THSD7A: variants seen among roughly 807,000 people sequenced by gnomAD.
THSD7A encodes thrombospondin type-1 domain-containing protein 7A.
A neutral mutation model predicts 231.3 loss-of-function variants in THSD7A; 96 were observed. That is an observed-to-expected ratio of 0.41 (90% CI 0.35 to 0.49). THSD7A has a LOEUF of 0.49. Ranked by LOEUF, THSD7A falls within the 20% of genes least tolerant of loss-of-function variation. The pLI is 0.05. For missense variants in THSD7A, 2,290 were observed against 2,070.2 expected (o/e 1.11, Z -2.06); for synonymous variants, 940 against 743.3 (o/e 1.26, Z -4.30).
At chr7:11,424,605 A>G in intron 16 of THSD7A, 91 bp downstream of exon 16, 1 of 1,536,486 alleles carries the variant, frequency 6.5e-7, no homozygotes, top group South Asian at 1.2e-5. Context: ...TATCCAGAAG[A>G]CTGGGGAGGA....
rs182889564 is a variant in THSD7A at position 11,636,763 on chromosome 7, T to C, written c.389A>G (p.Asn130Ser). ...TTTTGAAATCACGGGCTGACACTGA[T>C]TCCAAGGTCCCAGTCTCCAGTCGTA... ...ELYDWRLGPW[N>S]QCQPVISKSL... Residue 130 changes from asparagine to serine, a missense_variant, in exon 2 of 28, where the codon AAT becomes AGT. Coordinates refer to ENST00000423059, the MANE Select transcript of THSD7A (RefSeq NM_015204.3). This position sits in a 1 kb window ranked among gnomAD's most constrained non-coding sequence, Gnocchi z 10.0. The C allele has an allele frequency of 5.6e-5, 91 of 1,614,008 alleles. No homozygotes were observed. In the African/African-American group the frequency reaches 1.0e-3, roughly 18 times the overall value.
chr7:11,511,518 A>C (rs1021157924), intron 6 of THSD7A, among the ~76,000 whole-genome samples: 41 of 152,246 alleles, frequency 2.7e-4, no homozygotes, highest in African/African-American at 9.9e-4. Context: ...GCATCACGCT[A>C]CCTGACTTCA....
intron 1 of THSD7A, among the ~76,000 whole-genome samples, chr7:11,644,823 C>T (rs1480799918): frequency 1.3e-5 from 2 of 151,916 alleles, no homozygotes; most frequent in African/African-American, 2.4e-5. Flanking sequence ...GATATCCTCT[C>T]ATAACACTAC....
At position 11,379,408 on chromosome 7, in the gene THSD7A, T is replaced by C. The variant is rs1466339330; in HGVS notation, c.4591-128A>G. ...ATTACTATACATAATTCCTCTATTA[T>C]TTTTAACTACAAAGAAACATACTTT... On this transcript the variant is annotated intron_variant, in intron 25 of 27. Coordinates refer to ENST00000423059, the MANE Select transcript of THSD7A (RefSeq NM_015204.3). The C allele has an allele frequency of 3.1e-6, 3 of 954,742 alleles. No homozygotes were observed. The African/African-American group carries it at 5.0e-5, about 16-fold the overall frequency. 59.1% of individuals were successfully genotyped at this position (954,742 alleles called of 1,614,324 possible). A position where few individuals can be genotyped will look rare whatever the true frequency, so the allele number is the denominator to read the frequency against.
intron 4 of THSD7A, among the ~76,000 whole-genome samples, chr7:11,574,335 G>T (rs1790784868): frequency 6.6e-6 from 1 of 151,830 alleles, no homozygotes. Flanking sequence ...TCTATTTTCA[G>T]CATTTAGAAT....
chr7:11,756,172 T>C (rs946515986), intron 1 of THSD7A, among the ~76,000 whole-genome samples: 1 of 152,128 alleles, frequency 6.6e-6, no homozygotes, highest in African/African-American at 2.4e-5. Context: ...CTTCCACATC[T>C]ATTATGTTAC....
At chr7:11,493,795 T>C (rs545873419) in intron 6 of THSD7A, among the ~76,000 whole-genome samples, 7 of 152,062 alleles carry the variant, frequency 4.6e-5, no homozygotes, top group Non-Finnish European at 8.8e-5. Flanking sequence ...TCTTTTTTGT[T>C]TCATGGTCAT....
chr7:11,470,523 TAC>T (rs1785895026), intron 8 of THSD7A, among the ~76,000 whole-genome samples: 1 of 151,808 alleles, frequency 6.6e-6, no homozygotes, highest in Non-Finnish European at 1.5e-5. Context: ...TATTAAAAAC[TAC>T]ATATTTAATA....
At chr7:11,770,994 AG>A (rs1783208677) in intron 1 of THSD7A, among the ~76,000 whole-genome samples, 3 of 151,410 alleles carry the variant, frequency 2.0e-5, no homozygotes, top group Non-Finnish European at 4.4e-5. Flanking sequence ...TTTGATACAT[AG>A]AAGACTAGAA....
chr7:11,423,620 C>T (rs1224197026), intron 16 of THSD7A, among the ~76,000 whole-genome samples: 2 of 152,040 alleles, frequency 1.3e-5, no homozygotes, highest in Non-Finnish European at 2.9e-5. Flanking sequence ...CCACCCGCCT[C>T]GGCCTCCCAA....
At chr7:11,767,972 G>A (rs929748771) in intron 1 of THSD7A, among the ~76,000 whole-genome samples, 2 of 152,012 alleles carry the variant, frequency 1.3e-5, no homozygotes, top group Non-Finnish European at 2.9e-5. Flanking sequence ...AGCTGAAAAG[G>A]GATCAAAATA....
intron 11 of THSD7A, among the ~76,000 whole-genome samples, chr7:11,450,598 G>A (rs1785112106): frequency 6.6e-6 from 1 of 152,004 alleles, no homozygotes. Flanking sequence ...TGTTTGGAAA[G>A]GAAACCATCT....
chr7:11,774,111 T>A (rs1783324796), intron 1 of THSD7A, among the ~76,000 whole-genome samples: 2 of 152,070 alleles, frequency 1.3e-5, no homozygotes, highest in Admixed American at 1.3e-4. Context: ...TAAATTAGAG[T>A]GATAACTTTG....
intron 23 of THSD7A, among the ~76,000 whole-genome samples, chr7:11,394,960 T>A (rs1046929953): frequency 6.6e-6 from 1 of 152,130 alleles, no homozygotes; most frequent in Admixed American, 6.5e-5. Flanking sequence ...CAAATTCACA[T>A]ATAACAATAT....
chr7:11,524,506 T>A (rs1331606049), intron 6 of THSD7A, among the ~76,000 whole-genome samples: 1 of 152,190 alleles, frequency 6.6e-6, no homozygotes, highest in African/African-American at 2.4e-5. Flanking sequence ...TCCCTTCGGA[T>A]GAATAATATT....
chr7:11,637,083 G>A lies in THSD7A; in HGVS notation c.191-122C>T, dbSNP rs1187987815. Reference sequence around the variant, plus strand: ...ACTTCCCTGCGGTGTTACAAAGTAGGTCTCTGGACACGACTGTTGGAAAGT... The same window carrying A: ...ACTTCCCTGCGGTGTTACAAAGTAGATCTCTGGACACGACTGTTGGAAAGT... On this transcript the variant is annotated intron_variant, in intron 1 of 27. Coordinates refer to ENST00000423059, the MANE Select transcript of THSD7A (RefSeq NM_015204.3). The surrounding 1 kb of genome is among the most constrained non-coding windows in gnomAD (Gnocchi z 4.2). 16 of 879,370 alleles carry A rather than the reference G, an allele frequency of 1.8e-5. No individual in the cohort carries two copies. The highest frequency in any genetic ancestry group is 1.2e-5 in the Non-Finnish European group (7 of 584,924). 54.5% of individuals were successfully genotyped at this position (879,370 alleles called of 1,614,324 possible). A position where few individuals can be genotyped will look rare whatever the true frequency, so the allele number is the denominator to read the frequency against.
intron 2 of THSD7A, among the ~76,000 whole-genome samples, chr7:11,617,069 A>G (rs1185114605): frequency 6.6e-6 from 1 of 152,222 alleles, no homozygotes; most frequent in Non-Finnish European, 1.5e-5. Flanking sequence ...AGTTGTATAC[A>G]CAAATATATC....
intron 27 of THSD7A, among the ~76,000 whole-genome samples, chr7:11,376,266 T>C (rs1430163744): frequency 1.3e-5 from 2 of 152,146 alleles, no homozygotes; most frequent in Admixed American, 6.6e-5. Flanking sequence ...CTGTAATATC[T>C]TCCTCCATTA....
chr7:11,665,772 T>C (rs1046486406), intron 1 of THSD7A, among the ~76,000 whole-genome samples: 2 of 152,000 alleles, frequency 1.3e-5, no homozygotes, highest in Admixed American at 6.6e-5. Context: ...GCTTGTACAA[T>C]TTGGGGGCCC....
Sources: gnomAD v4.1 joint callset for allele counts (sites outside exome capture counted in the v4.1 genomes callset) on GRCh38, gnomAD v4.1.1 for gene constraint, Gnocchi (gnomAD v3.1) non-coding constraint, MANE v1.5 for transcripts, NCBI Gene and HGNC (gene_info 2026-07-23, HGNC 2026-07-21) for gene names.